ZNF385B: variants seen among roughly 807,000 people sequenced by gnomAD.
The protein encoded by ZNF385B is zinc finger protein 385B.
A neutral mutation model predicts 39.2 loss-of-function variants in ZNF385B; 23 were observed. That is an observed-to-expected ratio of 0.59 (90% confidence interval 0.42 to 0.83). ZNF385B has a LOEUF of 0.83. Ranked by LOEUF, ZNF385B falls within the 40% of genes least tolerant of loss-of-function variation. The probability of loss-of-function intolerance (pLI) is 0.00; values close to 1 mark genes in which losing one functional copy is unlikely to be tolerated. For missense variants in ZNF385B, 552 were observed against 598.9 expected (o/e 0.92, Z 0.82); for synonymous variants, 205 against 222.6 (o/e 0.92, Z 0.70).
rs111734772 is a variant in ZNF385B at position 179,786,576 on chromosome 2, C to CT, written c.-154-15905dup. Among the ~76,000 whole-genome samples, 7 of 152,166 alleles carry CT rather than the reference C, an allele frequency of 4.6e-5. 1 individual carries two copies. The highest frequency in any genetic ancestry group is 1.7e-4 in the African/African-American group (7 of 41,532). ...GACTAGAGAATCTTAGGTAACCCCC[C>CT]TAAGGCACTGGTAGCCACTTGTCCC... is the stretch of plus-strand genomic sequence containing the variant. On this transcript the variant is annotated intron_variant, in intron 1 of 9. Coordinates refer to ENST00000410066, the MANE Select transcript of ZNF385B (RefSeq NM_152520.6).
intron 3 of ZNF385B, among the ~76,000 whole-genome samples, chr2:179,582,250 G>A (rs1515312): frequency 0.084 from 12,707 of 152,122 alleles, 607 homozygotes; most frequent in Middle Eastern, 0.19. Flanking sequence ...TAATCTCACA[G>A]GATTATAAAA....
intron 1 of ZNF385B, among the ~76,000 whole-genome samples, chr2:179,816,158 G>A (rs1032930688): frequency 2.0e-5 from 3 of 151,980 alleles, no homozygotes; most frequent in African/African-American, 2.4e-5. Flanking sequence ...TTAACTAAAC[G>A]GAAACTTCAT....
chr2:179,671,327 G>A (rs1305902873), intron 3 of ZNF385B, among the ~76,000 whole-genome samples: 1 of 152,108 alleles, frequency 6.6e-6, no homozygotes. Flanking sequence ...ATGCAATCTG[G>A]TCCCTCTTGA....
At chr2:179,845,998 T>C (rs549460170) in intron 1 of ZNF385B, among the ~76,000 whole-genome samples, 112 of 152,322 alleles carry the variant, frequency 7.4e-4, no homozygotes, top group African/African-American at 2.5e-3. Context: ...TTAGACTACA[T>C]TCTCTTCACT....
At chr2:179,594,379 A>G (rs1477720475) in intron 3 of ZNF385B, among the ~76,000 whole-genome samples, 1 of 152,204 alleles carries the variant, frequency 6.6e-6, no homozygotes, top group African/African-American at 2.4e-5. Flanking sequence ...CAGTATGCTA[A>G]TTTAGTCATG....
At chr2:179,768,709 T>C (rs1020238486) in intron 3 of ZNF385B, among the ~76,000 whole-genome samples, 3 of 152,216 alleles carry the variant, frequency 2.0e-5, no homozygotes, top group East Asian at 1.9e-4. Context: ...ATCTTCACCA[T>C]GGATAACAAT....
intron 6 of ZNF385B, among the ~76,000 whole-genome samples, chr2:179,455,252 T>G (rs2050556780): frequency 1.3e-5 from 2 of 152,138 alleles, no homozygotes; most frequent in African/African-American, 4.8e-5. Context: ...GTGTGTAGCA[T>G]AGGAGCTAAA....
chr2:179,688,078 C>T (rs890195172), intron 3 of ZNF385B, among the ~76,000 whole-genome samples: 2 of 152,102 alleles, frequency 1.3e-5, no homozygotes, highest in Admixed American at 6.6e-5. Context: ...CAGTTTCTGT[C>T]CCTTTTCTAC....
At chr2:179,767,994 G>A (rs1231846704) in intron 3 of ZNF385B, among the ~76,000 whole-genome samples, 2 of 150,034 alleles carry the variant, frequency 1.3e-5, no homozygotes, top group African/African-American at 4.9e-5. Flanking sequence ...CTATTGCTCA[G>A]GCTGGAGCAC....
intron 3 of ZNF385B, among the ~76,000 whole-genome samples, chr2:179,616,893 C>T (rs770372142): frequency 5.3e-5 from 8 of 152,064 alleles, no homozygotes; most frequent in Non-Finnish European, 1.2e-4. Flanking sequence ...ATTAGACTCC[C>T]GCTCCCCTCA....
At chr2:179,572,870 G>C (rs528227048) in intron 3 of ZNF385B, among the ~76,000 whole-genome samples, 6 of 152,246 alleles carry the variant, frequency 3.9e-5, no homozygotes, top group African/African-American at 1.4e-4. Context: ...AAGAAGGGCA[G>C]ACAAACAACA....
intron 3 of ZNF385B, among the ~76,000 whole-genome samples, chr2:179,668,523 A>C (rs2106296164): frequency 6.9e-6 from 1 of 145,354 alleles, no homozygotes; most frequent in South Asian, 2.1e-4. Context: ...GGATGGAAAC[A>C]GTGCATTTTC....
At chr2:179,575,353 T>C (rs1162325951) in intron 3 of ZNF385B, among the ~76,000 whole-genome samples, 1 of 152,214 alleles carries the variant, frequency 6.6e-6, no homozygotes, top group Non-Finnish European at 1.5e-5. Context: ...ACCAGAATTA[T>C]ATATTTCAAC....
At chr2:179,562,589 A>G (rs1361583030) in intron 3 of ZNF385B, 3 of 985,238 alleles carry the variant, frequency 3.0e-6, no homozygotes, top group Admixed American at 6.2e-5. Flanking sequence ...TCTAATTACT[A>G]TTGAGGATCG....
At chr2:179,732,546 C>A (rs563067787) in intron 3 of ZNF385B, among the ~76,000 whole-genome samples, 1 of 152,152 alleles carries the variant, frequency 6.6e-6, no homozygotes, top group Non-Finnish European at 1.5e-5. Flanking sequence ...ATTAATCAAA[C>A]CTTTCATGCT....
At position 179,857,616 on chromosome 2, in the gene ZNF385B, T is replaced by C. The variant is rs1313585905; in HGVS notation, c.-155+3485A>G. 8.5e-5 allele frequency among the ~76,000 whole-genome samples: 13 copies of C among 152,134 alleles called. No homozygotes were observed. In the East Asian group the frequency reaches 2.5e-3, roughly 29 times the overall value. ...CAGCCTAGAGAAGTCTCAAATTGTA[T>C]CAAGGAGACTTGGGACTCTATGACG... is the stretch of plus-strand genomic sequence containing the variant. On this transcript the variant is annotated intron_variant, in intron 1 of 9. Coordinates refer to ENST00000410066, the MANE Select transcript of ZNF385B (RefSeq NM_152520.6).
chr2:179,683,316 G>T (rs1697672675), intron 3 of ZNF385B, among the ~76,000 whole-genome samples: 1 of 151,928 alleles, frequency 6.6e-6, no homozygotes, highest in African/African-American at 2.4e-5. Context: ...CTTGAACCTG[G>T]GAGGTGGAGG....
At chr2:179,667,362 G>C (rs1327881559) in intron 3 of ZNF385B, among the ~76,000 whole-genome samples, 1 of 152,104 alleles carries the variant, frequency 6.6e-6, no homozygotes, top group Non-Finnish European at 1.5e-5. Context: ...CATGTACTAT[G>C]CATGTGCTGC....
At chr2:179,735,766 G>GTAAAC (rs1429418907) in intron 3 of ZNF385B, among the ~76,000 whole-genome samples, 1 of 150,992 alleles carries the variant, frequency 6.6e-6, no homozygotes, top group Non-Finnish European at 1.5e-5. Context: ...ATCATTCTCA[G>GTAAAC]TAAACTATCT....
Sources: allele counts gnomAD v4.1 joint callset (sites outside exome capture counted in the v4.1 genomes callset), GRCh38; gene constraint gnomAD v4.1.1; transcripts MANE v1.5; gene names NCBI Gene and HGNC (gene_info 2026-07-23, HGNC 2026-07-21).